The following DNAH17 variants were observed in gnomAD, a reference collection of about 807,000 sequenced individuals.
DNAH17 encodes dynein axonemal heavy chain 17, also known as axonemal beta dynein heavy chain 17.
In DNAH17, 376 loss-of-function variants were observed where a neutral mutation model predicts 485.6. The observed-to-expected ratio is 0.77, with a 90% confidence interval of 0.71 to 0.84. The LOEUF is 0.84. DNAH17 is among the 40% of genes least tolerant of loss of function. The probability of loss-of-function intolerance (pLI) is 0.00; values close to 1 mark genes in which losing one functional copy is unlikely to be tolerated. For synonymous variants in DNAH17, 3,031 were observed against 2,405.9 expected (o/e 1.26, Z -7.60); for missense variants, 6,370 against 5,839.3 (o/e 1.09, Z -2.96).
rs184174651 is a variant in DNAH17 at position 78,561,798 on chromosome 17, G to A, written c.1752C>T (p.Pro584=). The A allele has an allele frequency of 4.0e-5, 65 of 1,613,698 alleles. No individual in the cohort carries two copies. In the East Asian group the frequency reaches 9.6e-4, roughly 24 times the overall value. ...GGCTCCATTTGAGCTGCCCGGCCAC[G>A]GGAGGCATGTTTTTGTGGATCAGGG... The part of the protein sequence containing the change: ...NIPLIHKNMP[P]VAGQLKWSLE... The change falls in exon 12 of 81, where the codon CCC becomes CCT. Residue 584 remains proline, a synonymous_variant. Transcript: ENST00000389840.
At chr17:78,553,283 GTTTTTTTTTTTTTTTTTTTTT>G (rs60587420) in intron 14 of DNAH17, among the ~76,000 whole-genome samples, 3 of 51,018 alleles carry the variant, frequency 5.9e-5, no homozygotes, top group East Asian at 6.6e-4. Flanking sequence ...AGGTTTTTGT[GTTTTTTTTTTTTTTTTTTTTT>G]TTTTTTTTTT....
chr17:78,427,646 G>A (rs1478034435), intron 77 of DNAH17, among the ~76,000 whole-genome samples: 6 of 152,212 alleles, frequency 3.9e-5, no homozygotes, highest in African/African-American at 1.4e-4. Context: ...CCTGTACTTA[G>A]CTAGTACGTA....
At chr17:78,479,759 G>C (rs1598536535) in intron 49 of DNAH17, 127 bp from the exon 50 acceptor site, 2 of 1,301,596 alleles carry the variant, frequency 1.5e-6, no homozygotes, top group East Asian at 2.4e-5. Context: ...TGTCAGAATG[G>C]GCAGTTACCC....
Position 78,530,217 on chromosome 17 carries a change from G to A in DNAH17, c.3284+126C>T, listed in dbSNP as rs35958590. ...GCTTGGTGGGGTAGTTGGCCTTGAAGCCCAGCCTCCACCCCCTGCTACCCC... is the reference window on the plus strand; with the variant it reads ...GCTTGGTGGGGTAGTTGGCCTTGAAACCCAGCCTCCACCCCCTGCTACCCC... On this transcript the variant is annotated intron_variant, in intron 21 of 80. Transcript: ENST00000389840. 737,079 of 1,206,536 alleles carry A rather than the reference G, an allele frequency of 0.61. 226,372 individuals are homozygous for A. The highest frequency in any genetic ancestry group is 0.64 in the Middle Eastern group (2,197 of 3,412). 74.7% of individuals were successfully genotyped at this position (1,206,536 alleles called of 1,614,324 possible). A position where few individuals can be genotyped will look rare whatever the true frequency, so the allele number is the denominator to read the frequency against.
chr17:78,567,075 C>A lies in DNAH17; in HGVS notation c.1376G>T (p.Arg459Leu). Reference sequence around the variant, plus strand: ...CAGCTCAAAGACCTCATCATAGATACGGGTCACCAGGCTCCCGAGGAGGTT... The same window carrying A: ...CAGCTCAAAGACCTCATCATAGATAAGGGTCACCAGGCTCCCGAGGAGGTT... The part of the protein sequence containing the change: ...RGNLLGSLVT[R>L]IYDEVFELVK... Residue 459 changes from arginine (R) to leucine (L), a missense_variant, in exon 10 of 81, where the codon CGT becomes CTT. By Grantham distance (102) the Arg-to-Leu change is moderately radical (BLOSUM62 -2). Transcript: ENST00000389840. 6.2e-7 allele frequency: 1 copy of A among 1,613,532 alleles called. No individual in the cohort carries two copies. Among genetic ancestry groups the A allele is most frequent in the Non-Finnish European group, 8.5e-7 (1 of 1,179,708 alleles).
At position 78,530,263 on chromosome 17, in the gene DNAH17, G is replaced by C. The variant is rs1361085151; in HGVS notation, c.3284+80C>G. 4.7e-5 allele frequency: 68 copies of C among 1,450,800 alleles called. No individual in the cohort carries two copies. The South Asian group carries it at 8.5e-4, about 18-fold the overall frequency. The allele number at this position is 1,450,800 out of a possible 1,614,324, so 89.9% of individuals were successfully genotyped here. On this transcript the variant is annotated intron_variant, in intron 21 of 80. Coordinates refer to ENST00000389840, the MANE Select transcript of DNAH17 (RefSeq NM_173628.4). ...ACCCCAGAGGAGGCACCTGACAAAT[G>C]CCACCCACTCAAGTGGAAGGCCACT...
At chr17:78,576,277 G>C (rs1045676315) in intron 1 of DNAH17, among the ~76,000 whole-genome samples, 15 of 152,122 alleles carry the variant, frequency 9.9e-5, no homozygotes, top group African/African-American at 3.6e-4. Context: ...CTATATATCG[G>C]CAAAACAACT....
At chr17:78,459,296 G>C in intron 60 of DNAH17, 88 bp from the exon 61 acceptor site, 1 of 1,307,892 alleles carries the variant, frequency 7.6e-7, no homozygotes, top group Non-Finnish European at 1.1e-6. Context: ...TGCCCAGGGT[G>C]GCACAGCTCT....
chr17:78,469,166 G>T (rs901803013), intron 54 of DNAH17, among the ~76,000 whole-genome samples: 2 of 151,708 alleles, frequency 1.3e-5, no homozygotes, highest in African/African-American at 4.9e-5. Flanking sequence ...TTTTGAGACT[G>T]AGTCTCGCTC....
At chr17:78,461,423 C>T (rs1238700164) in intron 58 of DNAH17, 121 bp downstream of exon 58, 4 of 1,100,374 alleles carry the variant, frequency 3.6e-6, no homozygotes, top group Non-Finnish European at 4.9e-6. Context: ...GAACCTTGTC[C>T]TTCTATGTAA....
intron 11 of DNAH17, among the ~76,000 whole-genome samples, chr17:78,563,978 GATCT>G (rs1398043125): frequency 6.6e-6 from 1 of 152,074 alleles, no homozygotes; most frequent in Non-Finnish European, 1.5e-5. Flanking sequence ...TTTAAAAAGA[GATCT>G]TTCTTTTAGA....
intron 16 of DNAH17, among the ~76,000 whole-genome samples, chr17:78,545,332 T>G (rs1277728098): frequency 2.0e-5 from 3 of 152,190 alleles, no homozygotes; most frequent in African/African-American, 7.2e-5. Flanking sequence ...TATGTCTTAG[T>G]CAGCTTAGAT....
intron 69 of DNAH17, among the ~76,000 whole-genome samples, chr17:78,447,144 T>TA (rs2087343767): frequency 6.6e-6 from 1 of 152,024 alleles, no homozygotes; most frequent in Non-Finnish European, 1.5e-5. Context: ...TTGACTGGGC[T>TA]AGTCTCAAAC....
chr17:78,481,263 T>C (rs1019766256), intron 48 of DNAH17, among the ~76,000 whole-genome samples: 1 of 151,180 alleles, frequency 6.6e-6, no homozygotes, highest in African/African-American at 2.4e-5. Context: ...CCACCATGCC[T>C]GGCTAATTTT....
chr17:78,442,984 G>C (rs564386535), intron 71 of DNAH17, among the ~76,000 whole-genome samples: 24 of 152,132 alleles, frequency 1.6e-4, no homozygotes, highest in Non-Finnish European at 3.1e-4. Flanking sequence ...ATACAATCAG[G>C]GCAGTAAATC....
At chr17:78,486,774 G>A (rs12952891) in intron 44 of DNAH17, among the ~76,000 whole-genome samples, 42,201 of 152,002 alleles carry the variant, frequency 0.28, 5,949 homozygotes, top group South Asian at 0.36. Context: ...TAGAACAGTT[G>A]GAAGCCATTC....
chr17:78,485,163 G>T, intron 47 of DNAH17, 130 bp from the exon 48 acceptor site: 1 of 1,247,360 alleles, frequency 8.0e-7, no homozygotes, highest in Non-Finnish European at 1.1e-6. Context: ...TTTACCAAAG[G>T]TACCTGCCCT....
chr17:78,493,320 C>T, intron 41 of DNAH17: 1 of 155,836 alleles, frequency 6.4e-6, no homozygotes, highest in Non-Finnish European at 1.4e-5. Flanking sequence ...GAGCTGCTTG[C>T]CCTAGACTGT....
In DNAH17 at chr17:78,426,792, C is replaced by T. The variant is rs535297612; in HGVS notation, c.12771+134G>A. On this transcript the variant is annotated intron_variant, in intron 78 of 80. Transcript: ENST00000389840. The stretch of plus-strand genomic sequence containing the variant: ...TGAGCTCCCGGGGCTTGTTCTGGAA[C>T]TGCCAGAGCTCTGGAGAGGGAGCAG... 6.5e-4 allele frequency: 842 copies of T among 1,289,896 alleles called. 4 individuals carry two copies. The African/African-American group carries it at 0.011, about 17-fold the overall frequency. 79.9% of individuals were successfully genotyped at this position (1,289,896 alleles called of 1,614,324 possible). A position where few individuals can be genotyped will look rare whatever the true frequency, so the allele number is the denominator to read the frequency against.
Sources: allele counts gnomAD v4.1 joint callset (sites outside exome capture counted in the v4.1 genomes callset), GRCh38; gene constraint gnomAD v4.1.1; transcripts MANE v1.5; gene names NCBI Gene and HGNC (gene_info 2026-07-23, HGNC 2026-07-21).